MAGI1: variants seen among roughly 807,000 people sequenced by gnomAD.
MAGI1 encodes membrane-associated guanylate kinase, WW and PDZ domain-containing protein 1.
In MAGI1, 58 loss-of-function variants were observed where a neutral mutation model predicts 139.9. The ratio of observed to expected loss-of-function variants is 0.41; its 90% CI spans 0.34 to 0.52. The LOEUF is 0.52. Ranked by LOEUF, MAGI1 falls within the 20% of genes least tolerant of loss-of-function variation. The probability of loss-of-function intolerance (pLI) is 0.12; values close to 1 mark genes in which losing one functional copy is unlikely to be tolerated. For synonymous variants in MAGI1, 812 were observed against 737.9 expected (o/e 1.10, Z -1.63); for missense variants, 1,874 against 1,901.6 (o/e 0.99, Z 0.27).
chr3:65,979,859 T>G (rs1387903352), intron 1 of MAGI1, among the ~76,000 whole-genome samples: 1 of 152,186 alleles, frequency 6.6e-6, no homozygotes, highest in Non-Finnish European at 1.5e-5. Context: ...CAATAAACTG[T>G]GAGCTCAGCA....
chr3:65,765,425 T>G (rs1272606726), intron 1 of MAGI1, among the ~76,000 whole-genome samples: 1 of 152,100 alleles, frequency 6.6e-6, no homozygotes, highest in African/African-American at 2.4e-5. Context: ...AGCTCCAGAG[T>G]CTCATTAATG....
intron 1 of MAGI1, among the ~76,000 whole-genome samples, chr3:65,753,697 CAA>C (rs35459634): frequency 0.23 from 24,195 of 103,884 alleles, 2,537 homozygotes; most frequent in East Asian, 0.46. Flanking sequence ...AACTCCATCT[CAA>C]AAAAAAAAAA....
chr3:65,817,254 T>C (rs1382084818), intron 1 of MAGI1, among the ~76,000 whole-genome samples: 1 of 152,194 alleles, frequency 6.6e-6, no homozygotes, highest in Non-Finnish European at 1.5e-5. Context: ...TCTCAGATTA[T>C]TTGAATTTTG....
At chr3:65,529,172 G>C (rs1311062767) in intron 2 of MAGI1, among the ~76,000 whole-genome samples, 1 of 150,784 alleles carries the variant, frequency 6.6e-6, no homozygotes, top group Non-Finnish European at 1.5e-5. Flanking sequence ...CAGGTTAAAA[G>C]AAAGAGATTT....
chr3:65,669,362 G>C (rs2086717211), intron 1 of MAGI1, among the ~76,000 whole-genome samples: 1 of 152,194 alleles, frequency 6.6e-6, no homozygotes, highest in African/African-American at 2.4e-5. Flanking sequence ...TGAGCAGGAA[G>C]GAACACTGTC....
At chr3:65,509,982 G>A (rs2077497434) in intron 2 of MAGI1, among the ~76,000 whole-genome samples, 1 of 152,126 alleles carries the variant, frequency 6.6e-6, no homozygotes, top group African/African-American at 2.4e-5. Context: ...GCCTCCTCAA[G>A]TGGGTCCCTG....
chr3:65,988,341 C>G (rs1478615881), intron 1 of MAGI1, among the ~76,000 whole-genome samples: 1 of 152,134 alleles, frequency 6.6e-6, no homozygotes, highest in Non-Finnish European at 1.5e-5. Flanking sequence ...ACAATGTTGG[C>G]GACTGGCCCC....
chr3:65,703,316 C>G (rs886388099), intron 1 of MAGI1, among the ~76,000 whole-genome samples: 2 of 152,198 alleles, frequency 1.3e-5, no homozygotes, highest in Non-Finnish European at 2.9e-5. Context: ...GGACCCATGA[C>G]TGGCCAGTCA....
At chr3:65,849,478 TATATATATCATCAAATATAC>T (rs572573995) in intron 1 of MAGI1, among the ~76,000 whole-genome samples, 7,846 of 145,694 alleles carry the variant, frequency 0.054, 267 homozygotes, top group Middle Eastern at 0.12. Context: ...CATATATATA[TATATATATCATCAAATATAC>T]ATATATATAT....
chr3:65,847,586 T>C (rs909971070), intron 1 of MAGI1, among the ~76,000 whole-genome samples: 1 of 152,236 alleles, frequency 6.6e-6, no homozygotes, highest in Non-Finnish European at 1.5e-5. Flanking sequence ...TCAATGTGTA[T>C]GATAAATATC....
chr3:65,395,141 C>T (rs1944279898), intron 13 of MAGI1, among the ~76,000 whole-genome samples: 1 of 152,144 alleles, frequency 6.6e-6, no homozygotes. Context: ...GGATCACCTG[C>T]TGTGTGCCAG....
At chr3:65,966,409 G>A (rs536671507) in intron 1 of MAGI1, among the ~76,000 whole-genome samples, 35 of 152,258 alleles carry the variant, frequency 2.3e-4, no homozygotes, top group African/African-American at 3.1e-4. Context: ...AGTTAGGTGC[G>A]TCTACCTATT....
intron 1 of MAGI1, among the ~76,000 whole-genome samples, chr3:66,033,034 G>C (rs2068723432): frequency 6.6e-6 from 1 of 151,244 alleles, no homozygotes. Flanking sequence ...GCTATCTTTT[G>C]TGTGTGTGTG....
chr3:65,992,417 C>T (rs6763833), intron 1 of MAGI1, among the ~76,000 whole-genome samples: 117,062 of 152,098 alleles, frequency 0.77, 45,525 homozygotes, highest in East Asian at 0.96. Context: ...ATAACATGGA[C>T]TGAGTGCAGT....
In MAGI1 at chr3:65,443,063, T is replaced by G. The variant is rs537268099; in HGVS notation, c.1079-214A>C. Among the ~76,000 whole-genome samples the G allele has an allele frequency of 2.0e-4, 30 of 152,324 alleles. No homozygotes were observed. In the East Asian group the frequency reaches 5.8e-3, roughly 29 times the overall value. On this transcript the variant is annotated intron_variant, in intron 7 of 22. Coordinates refer to ENST00000402939, the MANE Select transcript of MAGI1 (RefSeq NM_001033057.2). ...CATTTCTTTATCTACTGGTATTTTA[T>G]GCAAGAAAATAAAACTTAACAAAAT...
At chr3:65,456,381 T>C (rs113091193) in intron 5 of MAGI1, among the ~76,000 whole-genome samples, 1 of 148,780 alleles carries the variant, frequency 6.7e-6, no homozygotes, top group African/African-American at 2.5e-5. Flanking sequence ...GGTTTGATAT[T>C]TTTTTTTTTT....
At chr3:65,833,599 C>T (rs566165181) in intron 1 of MAGI1, among the ~76,000 whole-genome samples, 2 of 152,270 alleles carry the variant, frequency 1.3e-5, no homozygotes, top group South Asian at 4.2e-4. Context: ...CGACGACTTA[C>T]CTATTTGTAA....
At chr3:65,493,172 AAAC>A (rs1277371547) in intron 3 of MAGI1, among the ~76,000 whole-genome samples, 1 of 152,236 alleles carries the variant, frequency 6.6e-6, no homozygotes, top group Non-Finnish European at 1.5e-5. Flanking sequence ...TTCAAGATTA[AAAC>A]AACACTACTT....
At chr3:65,675,614 T>C (rs1321215164) in intron 1 of MAGI1, among the ~76,000 whole-genome samples, 2 of 152,094 alleles carry the variant, frequency 1.3e-5, no homozygotes, top group African/African-American at 4.8e-5. Context: ...ACCAAGTAGG[T>C]CTTAATTCAA....
Sources: allele counts gnomAD v4.1 joint callset (sites outside exome capture counted in the v4.1 genomes callset), GRCh38; gene constraint gnomAD v4.1.1; transcripts MANE v1.5; gene names NCBI Gene and HGNC (gene_info 2026-07-23, HGNC 2026-07-21).